KCNIP4: variants seen among roughly 807,000 people sequenced by gnomAD.
The protein encoded by KCNIP4 is Kv channel-interacting protein 4.
Under a neutral mutation model 34.0 loss-of-function variants are expected in KCNIP4, and 12 were observed. The observed-to-expected ratio is 0.35, with a 90% CI of 0.23 to 0.57. KCNIP4 has a LOEUF of 0.57. Among genes scored for constraint, KCNIP4 ranks in the 20% least tolerant of loss-of-function variants. KCNIP4 has a pLI of 0.83. For missense variants in KCNIP4, 238 were observed against 311.7 expected, an observed-to-expected ratio of 0.76 and a Z score of 1.78; for synonymous variants, 124 against 102.2, an observed-to-expected ratio of 1.21 and a Z score of -1.29.
At chr4:21,609,519 C>T (rs1274341624) in intron 1 of KCNIP4, among the ~76,000 whole-genome samples, 1 of 152,160 alleles carries the variant, frequency 6.6e-6, no homozygotes, top group Non-Finnish European at 1.5e-5. Context: ...TTGCTGACTA[C>T]AGGGCATACT....
intron 1 of KCNIP4, among the ~76,000 whole-genome samples, chr4:21,767,042 A>C (rs73119544): frequency 0.15 from 22,549 of 152,182 alleles, 5,617 homozygotes; most frequent in African/African-American, 0.51. Context: ...AACAAAGAGA[A>C]CACAAGAAAG....
intron 1 of KCNIP4, among the ~76,000 whole-genome samples, chr4:20,999,414 GTTTTTTTTTTTTGTTTGTTTTTTGTTT>G (rs1361556260): frequency 9.4e-5 from 9 of 95,348 alleles, no homozygotes; most frequent in African/African-American, 4.2e-4. Flanking sequence ...TTGTGGTGGT[GTTTTTTTTTTTTGTTTGTTTTTTGTTT>G]TTTTTTTTTT....
chr4:21,853,067 G>A (rs1724509921), intron 1 of KCNIP4: 1 of 152,098 alleles, frequency 6.6e-6, no homozygotes, highest in Non-Finnish European at 1.5e-5. Context: ...TAGTAAGATT[G>A]ACCAGGTTTC....
In KCNIP4 at chr4:21,508,097, T is replaced by C. The variant is rs554794502; in HGVS notation, c.61+440474A>G. 6.6e-5 allele frequency among the ~76,000 whole-genome samples: 10 copies of C among 152,322 alleles called. No homozygotes were observed. The East Asian group carries it at 1.9e-3, about 29-fold the overall frequency. On this transcript the variant is annotated intron_variant, in intron 1 of 8. Coordinates refer to ENST00000382152, the MANE Select transcript of KCNIP4 (RefSeq NM_025221.6). ...CACACAGCATCCAAACACCATAGCA[T>C]CTGCCCTTGAGGTTTGAATAGGTGA...
chr4:21,624,523 G>T (rs536486462), intron 1 of KCNIP4, among the ~76,000 whole-genome samples: 1 of 152,180 alleles, frequency 6.6e-6, no homozygotes, highest in African/African-American at 2.4e-5. Flanking sequence ...TTTGACATAG[G>T]ATTGTCTAAA....
intron 1 of KCNIP4, among the ~76,000 whole-genome samples, chr4:21,108,736 C>T (rs2109093833): frequency 6.7e-6 from 1 of 150,298 alleles, no homozygotes; most frequent in African/African-American, 2.5e-5. Context: ...GTTTTATCTA[C>T]TTTTGGTCTT....
intron 1 of KCNIP4, among the ~76,000 whole-genome samples, chr4:20,970,101 C>A (rs1734782156): frequency 6.6e-6 from 1 of 152,012 alleles, no homozygotes; most frequent in Non-Finnish European, 1.5e-5. Flanking sequence ...GCCACCACGC[C>A]CGGCTAATTT....
intron 1 of KCNIP4, among the ~76,000 whole-genome samples, chr4:21,596,237 C>T (rs896771325): frequency 6.6e-6 from 1 of 152,106 alleles, no homozygotes; most frequent in Non-Finnish European, 1.5e-5. Flanking sequence ...ATTTTACCAT[C>T]TACAATAAAA....
chr4:21,812,138 T>A (rs1031672896), intron 1 of KCNIP4, among the ~76,000 whole-genome samples: 1 of 152,268 alleles, frequency 6.6e-6, no homozygotes. Flanking sequence ...AATTAACGCA[T>A]CTAGTTCTAC....
chr4:21,195,869 G>T (rs1248871484), intron 1 of KCNIP4, among the ~76,000 whole-genome samples: 1 of 152,068 alleles, frequency 6.6e-6, no homozygotes, highest in Non-Finnish European at 1.5e-5. Context: ...ACTCATGAGG[G>T]TTACATGAGT....
chr4:21,662,732 A>G (rs2108992718), intron 1 of KCNIP4, among the ~76,000 whole-genome samples: 1 of 152,356 alleles, frequency 6.6e-6, no homozygotes, highest in Non-Finnish European at 1.5e-5. Context: ...AAACTAAAGT[A>G]TTAACCAAGA....
At chr4:21,267,357 A>T (rs1761875533) in intron 1 of KCNIP4, among the ~76,000 whole-genome samples, 1 of 96,760 alleles carries the variant, frequency 1.0e-5, no homozygotes, top group Non-Finnish European at 1.9e-5. Flanking sequence ...AAGGTAGATT[A>T]AAAAAAAAAA....
intron 1 of KCNIP4, among the ~76,000 whole-genome samples, chr4:21,725,463 G>A (rs930580436): frequency 6.6e-6 from 1 of 152,128 alleles, no homozygotes; most frequent in Non-Finnish European, 1.5e-5. Context: ...AGTGGATCAT[G>A]AGAAAAGACA....
intron 1 of KCNIP4, among the ~76,000 whole-genome samples, chr4:21,064,052 T>G (rs1185596323): frequency 1.3e-5 from 2 of 152,120 alleles, no homozygotes; most frequent in Non-Finnish European, 2.9e-5. Context: ...TTAAACTGCT[T>G]AATTTTTCAC....
chr4:21,236,726 C>T (rs907619685), intron 1 of KCNIP4, among the ~76,000 whole-genome samples: 3 of 151,726 alleles, frequency 2.0e-5, no homozygotes, highest in Non-Finnish European at 2.9e-5. Context: ...GATATACATT[C>T]AGGCCGGGCG....
At chr4:21,509,134 A>C (rs1366929650) in intron 1 of KCNIP4, among the ~76,000 whole-genome samples, 1 of 152,174 alleles carries the variant, frequency 6.6e-6, no homozygotes, top group Non-Finnish European at 1.5e-5. Context: ...ATTCTGACTC[A>C]TAAGTAAATT....
intron 1 of KCNIP4, among the ~76,000 whole-genome samples, chr4:21,879,459 G>T (rs1392221658): frequency 6.6e-6 from 1 of 152,210 alleles, no homozygotes; most frequent in Non-Finnish European, 1.5e-5. Flanking sequence ...CTTCAGGCAA[G>T]CCTGACTGTT....
intron 1 of KCNIP4, among the ~76,000 whole-genome samples, chr4:21,920,324 C>A (rs1047991895): frequency 3.3e-5 from 5 of 152,130 alleles, no homozygotes; most frequent in African/African-American, 1.2e-4. Context: ...TAAATATGTA[C>A]AGACTTTTAT....
chr4:20,813,012 A>G (rs931479423), intron 3 of KCNIP4, among the ~76,000 whole-genome samples: 2 of 151,984 alleles, frequency 1.3e-5, no homozygotes, highest in South Asian at 2.1e-4. Context: ...AACTATTTTA[A>G]TTTTGTGATA....
Sources: allele counts gnomAD v4.1 joint callset (sites outside exome capture counted in the v4.1 genomes callset), GRCh38; gene constraint gnomAD v4.1.1; transcripts MANE v1.5; gene names NCBI Gene and HGNC (gene_info 2026-07-23, HGNC 2026-07-21).